The following CASP10 variants were observed in gnomAD, a reference collection of about 807,000 sequenced individuals.
CASP10 encodes the protein caspase 10.
CASP10 carries 41 observed loss-of-function variants against 48.5 expected under a neutral mutation model. The ratio of observed to expected loss-of-function variants is 0.85; its 90% CI spans 0.66 to 1.10. The LOEUF (loss-of-function observed/expected upper bound fraction) is 1.10, where lower values mean the gene tolerates loss of function less well. CASP10 is among the 50% of genes least tolerant of loss of function. The pLI, the probability that CASP10 is intolerant of heterozygous loss-of-function variation, is 0.00. For synonymous variants in CASP10, 232 were observed against 238.4 expected (o/e 0.97, Z 0.25); for missense variants, 614 against 614.5 (o/e 1.00, Z 0.01).
intron 8 of CASP10, among the ~76,000 whole-genome samples, 186 bp from the exon 9 acceptor site, chr2:201,208,884 G>A (rs954337338): frequency 1.3e-5 from 2 of 152,020 alleles, no homozygotes; most frequent in Non-Finnish European, 2.9e-5. Flanking sequence ...TTGCCATCTG[G>A]CCAGACTGTT....
intron 6 of CASP10, among the ~76,000 whole-genome samples, chr2:201,205,420 G>A (rs1945168495): frequency 6.6e-6 from 1 of 151,406 alleles, no homozygotes; most frequent in Admixed American, 6.6e-5. Context: ...TTCTAGAGAT[G>A]GGGTCTCACT....
intron 5 of CASP10, among the ~76,000 whole-genome samples, chr2:201,196,885 C>T (rs1169582802): frequency 6.6e-6 from 1 of 152,150 alleles, no homozygotes; most frequent in Non-Finnish European, 1.5e-5. Flanking sequence ...CTTTCTCTCT[C>T]TATAAATTTG....
Position 201,219,923 on chromosome 2 carries a change from C to G in CASP10, c.*2182C>G. On this transcript the variant is annotated 3_prime_UTR_variant, in exon 10 of 10. Coordinates refer to ENST00000286186, the MANE Select transcript of CASP10 (RefSeq NM_032977.4). Reference sequence around the variant, plus strand: ...GACTTCAGCCAGGTGAACTGGAATGCCTTGGGGCGTGGAAGGGCATTAGGA... The same window carrying G: ...GACTTCAGCCAGGTGAACTGGAATGGCTTGGGGCGTGGAAGGGCATTAGGA... The G allele has an allele frequency of 3.0e-6, 3 of 985,202 alleles. No individual in the cohort carries two copies. The highest frequency in any genetic ancestry group is 3.6e-6 in the Non-Finnish European group (3 of 829,898). The allele number at this position is 985,202 out of a possible 1,614,324, so 61.0% of individuals were successfully genotyped here. A position where few individuals can be genotyped will look rare whatever the true frequency, so the allele number is the denominator to read the frequency against.
At chr2:201,183,955 G>T (rs770027438) in intron 1 of CASP10, among the ~76,000 whole-genome samples, 6 of 151,972 alleles carry the variant, frequency 3.9e-5, no homozygotes, top group Non-Finnish European at 5.9e-5. Flanking sequence ...GAGTGCAGTG[G>T]CACAATCTTG....
intron 4 of CASP10, among the ~76,000 whole-genome samples, chr2:201,193,591 G>A (rs944858527): frequency 6.6e-6 from 1 of 152,140 alleles, no homozygotes; most frequent in African/African-American, 2.4e-5. Context: ...AACACATATT[G>A]GTTGAGTTCA....
intron 9 of CASP10, among the ~76,000 whole-genome samples, chr2:201,227,645 C>T (rs926888453): frequency 2.0e-5 from 3 of 152,124 alleles, no homozygotes. Flanking sequence ...CAAGCTCCAC[C>T]TCCTGGGTTC....
chr2:201,224,848 T>C (rs370367473), downstream of CASP10, among the ~76,000 whole-genome samples: 1 of 152,242 alleles, frequency 6.6e-6, no homozygotes, highest in African/African-American at 2.4e-5. Flanking sequence ...ATGTTCATTA[T>C]GGAATATTTG....
chr2:201,215,211 G>GTTTTTTTTTTTTTTTTTTTTTTT (rs10616229), intron 9 of CASP10, among the ~76,000 whole-genome samples: 7 of 29,914 alleles, frequency 2.3e-4, no homozygotes, highest in Non-Finnish European at 2.5e-4. Context: ...TCTTCCCTCG[G>GTTTTTTTTTTTTTTTTTTTTTTT]TTTTTTTTTT....
chr2:201,200,858 T>A, intron 5 of CASP10: 2 of 564,924 alleles, frequency 3.5e-6, no homozygotes, highest in South Asian at 7.2e-5. Context: ...TTGATTCAAT[T>A]AATTCCAATC....
At chr2:201,216,197 A>G (rs1038030594) in intron 9 of CASP10, among the ~76,000 whole-genome samples, 1 of 150,354 alleles carries the variant, frequency 6.7e-6, no homozygotes, top group African/African-American at 2.4e-5. Context: ...AATTTAAATA[A>G]TATTTAAATT....
chr2:201,202,862 G>A lies in CASP10; in HGVS notation c.685-868G>A, dbSNP rs41322245. Among the ~76,000 whole-genome samples, 3 of 152,226 alleles carry A rather than the reference G, an allele frequency of 2.0e-5. No individual in the cohort carries two copies. In the East Asian group the frequency reaches 5.8e-4, roughly 29 times the overall value. On this transcript the variant is annotated intron_variant, in intron 5 of 9. Transcript: ENST00000286186. ...GGGTCTTAGACTTTGTTTTAATTTT[G>A]TATTTAATTATATAAAACATTAATG...
chr2:201,185,883 G>A lies in CASP10; in HGVS notation c.106G>A (p.Val36Met). 1 of 1,614,128 alleles carries A rather than the reference G, an allele frequency of 6.2e-7. No individual in the cohort carries two copies. The highest frequency in any genetic ancestry group is 8.5e-7 in the Non-Finnish European group (1 of 1,179,964). Reference sequence around the variant, plus strand: ...TGATTCAAACCTGGGGGTCCAAGATGTGGAGAACCTCAAGTTTCTCTGCAT... The same window carrying A: ...TGATTCAAACCTGGGGGTCCAAGATATGGAGAACCTCAAGTTTCTCTGCAT... ...IIDSNLGVQD[V>M]ENLKFLCIGL... Residue 36 changes from valine to methionine, a missense_variant, in exon 2 of 10, where the codon GTG becomes ATG. Physicochemically the swap from Val to Met is conservative, Grantham distance 21 (BLOSUM62 1). Coordinates refer to ENST00000286186, the MANE Select transcript of CASP10 (RefSeq NM_032977.4).
rs1364334427 is a variant in CASP10 at position 201,218,151 on chromosome 2, G to T, written c.*410G>T. The T allele has an allele frequency of 7.0e-6, 7 of 1,006,682 alleles. No homozygotes were observed. The Admixed American group carries it at 3.4e-4, about 50-fold the overall frequency. The allele number at this position is 1,006,682 out of a possible 1,614,324, so 62.4% of individuals were successfully genotyped here. The stretch of plus-strand genomic sequence containing the variant: ...TGCACAGGCTGGTTTCAAACTCCTA[G>T]GCCCAAGTGATCCTCCCACCTCTGT... On this transcript the variant is annotated 3_prime_UTR_variant, in exon 10 of 10. Transcript: ENST00000286186.
intron 9 of CASP10, chr2:201,214,936 G>A (rs886662805): frequency 6.6e-6 from 1 of 152,056 alleles, no homozygotes; most frequent in African/African-American, 2.4e-5. Context: ...TGATACTTAT[G>A]TAAATAGAGG....
At chr2:201,223,568 T>G (rs891952163), downstream of CASP10, among the ~76,000 whole-genome samples, 1 of 152,330 alleles carries the variant, frequency 6.6e-6, no homozygotes. Flanking sequence ...TCTGCCTTCT[T>G]AGAAACTATT....
chr2:201,194,109 G>GTGTA (rs1381449433), intron 4 of CASP10, among the ~76,000 whole-genome samples: 21 of 151,966 alleles, frequency 1.4e-4, no homozygotes, highest in African/African-American at 4.8e-4. Flanking sequence ...GTGTGTGTGT[G>GTGTA]TGTGTGTGTG....
intron 3 of CASP10, among the ~76,000 whole-genome samples, chr2:201,190,444 C>T (rs987040003): frequency 6.6e-6 from 1 of 152,158 alleles, no homozygotes; most frequent in African/African-American, 2.4e-5. Context: ...TCAGTGCCCA[C>T]ATTTGCAGTG....
chr2:201,228,264 G>C (rs1204807745), intron 9 of CASP10, among the ~76,000 whole-genome samples: 1 of 152,190 alleles, frequency 6.6e-6, no homozygotes, highest in Non-Finnish European at 1.5e-5. Flanking sequence ...GAACCTGAGA[G>C]GTGGAGGTTG....
intron 5 of CASP10, among the ~76,000 whole-genome samples, chr2:201,198,387 C>A (rs961574485): frequency 5.9e-5 from 9 of 151,556 alleles, no homozygotes; most frequent in African/African-American, 2.2e-4. Flanking sequence ...ACACACCTGG[C>A]TAATTTTTGT....
Sources: allele counts gnomAD v4.1 joint callset (sites outside exome capture counted in the v4.1 genomes callset), GRCh38; gene constraint gnomAD v4.1.1; transcripts MANE v1.5; gene names NCBI Gene and HGNC (gene_info 2026-07-23, HGNC 2026-07-21).